FSIP1: variants seen among roughly 807,000 people sequenced by gnomAD.
FSIP1 encodes fibrous sheath-interacting protein 1.
In FSIP1, 65 loss-of-function variants were observed where a neutral mutation model predicts 60.9. The ratio of observed to expected loss-of-function variants is 1.07; its 90% CI spans 0.87 to 1.31. The LOEUF is 1.31. Ranked by LOEUF, FSIP1 falls within the 40% of genes most tolerant of loss-of-function variation. The pLI, the probability that FSIP1 is intolerant of heterozygous loss-of-function variation, is 0.00. For missense variants in FSIP1, 675 were observed against 665.5 expected (o/e 1.01, Z -0.16); for synonymous variants, 209 against 221.2 (o/e 0.94, Z 0.49).
At chr15:39,643,863 G>GT in intron 10 of FSIP1, among the ~76,000 whole-genome samples, 1 of 152,312 alleles carries the variant, frequency 6.6e-6, no homozygotes, top group Non-Finnish European at 1.5e-5. Context: ...TCAAAACTTA[G>GT]TATCAATCAC....
At chr15:39,733,898 G>C (rs969726010) in intron 8 of FSIP1, among the ~76,000 whole-genome samples, 2 of 152,052 alleles carry the variant, frequency 1.3e-5, no homozygotes, top group Non-Finnish European at 2.9e-5. Flanking sequence ...CTAGAAAAAA[G>C]TAAACTCTTT....
chr15:39,743,948 T>TATGACAATA (rs1350832826), intron 5 of FSIP1, among the ~76,000 whole-genome samples: 2 of 152,188 alleles, frequency 1.3e-5, no homozygotes, highest in Non-Finnish European at 2.9e-5. Context: ...GACTAAAAGG[T>TATGACAATA]ATGACAATAA....
intron 10 of FSIP1, among the ~76,000 whole-genome samples, chr15:39,651,758 A>G (rs1892880510): frequency 6.6e-6 from 1 of 152,242 alleles, no homozygotes. Flanking sequence ...TTGAAAGCCA[A>G]TTCTTTCTGC....
chr15:39,628,378 C>A (rs1199674500), intron 10 of FSIP1, among the ~76,000 whole-genome samples: 3 of 152,152 alleles, frequency 2.0e-5, no homozygotes, highest in African/African-American at 7.2e-5. Flanking sequence ...TGTTCAGTGC[C>A]AATGCATGTC....
intron 5 of FSIP1, among the ~76,000 whole-genome samples, chr15:39,755,996 A>AT (rs1897289274): frequency 6.6e-6 from 1 of 152,052 alleles, no homozygotes. Flanking sequence ...CTCTAAAAAA[A>AT]CCCAAAAGTG....
chr15:39,728,554 A>G (rs1430325677), intron 8 of FSIP1, among the ~76,000 whole-genome samples: 3 of 152,268 alleles, frequency 2.0e-5, no homozygotes, highest in African/African-American at 7.2e-5. Flanking sequence ...CTCCTGTTCA[A>G]TAAATGGTGC....
chr15:39,746,939 T>C (rs1897014860), intron 5 of FSIP1, among the ~76,000 whole-genome samples: 2 of 152,114 alleles, frequency 1.3e-5, no homozygotes. Context: ...TCACCTAACA[T>C]GTACATCACT....
intron 2 of FSIP1, among the ~76,000 whole-genome samples, chr15:39,772,243 G>A (rs547513552): frequency 2.6e-5 from 4 of 152,058 alleles, no homozygotes; most frequent in African/African-American, 9.7e-5. Context: ...TGGCCTATAT[G>A]CATGATTTTT....
intron 10 of FSIP1, among the ~76,000 whole-genome samples, chr15:39,674,041 C>A (rs72727019): frequency 0.023 from 3,492 of 151,638 alleles, 62 homozygotes; most frequent in Non-Finnish European, 0.033. Context: ...ACATCCTTAA[C>A]CCGACCCGAT....
chr15:39,772,891 C>A (rs907139440), intron 2 of FSIP1, among the ~76,000 whole-genome samples: 1 of 151,978 alleles, frequency 6.6e-6, no homozygotes, highest in African/African-American at 2.4e-5. Flanking sequence ...GTGCCCAGCC[C>A]CACCTCCATT....
intron 10 of FSIP1, among the ~76,000 whole-genome samples, chr15:39,625,976 G>T (rs544748815): frequency 6.6e-6 from 1 of 152,282 alleles, no homozygotes; most frequent in East Asian, 1.9e-4. Context: ...TGTACTCTCA[G>T]TTTGATGATG....
intron 8 of FSIP1, 83 bp from the exon 9 acceptor site, chr15:39,726,830 C>A: frequency 1.1e-6 from 1 of 906,474 alleles, no homozygotes; most frequent in Non-Finnish European, 1.7e-6. Context: ...TAACAGTGCC[C>A]AGGTCTTCAC....
chr15:39,599,309 G>T (rs990201548), downstream of FSIP1: 1 of 152,108 alleles, frequency 6.6e-6, no homozygotes, highest in Non-Finnish European at 1.5e-5. Flanking sequence ...GCTGTGAATG[G>T]TCCCACCTCT....
At chr15:39,686,409 T>C (rs1894375769) in intron 10 of FSIP1, among the ~76,000 whole-genome samples, 1 of 152,272 alleles carries the variant, frequency 6.6e-6, no homozygotes, top group Non-Finnish European at 1.5e-5. Context: ...AAGGCTTTGG[T>C]GTATAATCAC....
chr15:39,717,737 AC>A (rs1024018790), intron 9 of FSIP1, among the ~76,000 whole-genome samples: 4 of 152,204 alleles, frequency 2.6e-5, no homozygotes, highest in Non-Finnish European at 5.9e-5. Flanking sequence ...GAGTCCAAGG[AC>A]CCAGCAAGAA....
intron 3 of FSIP1, among the ~76,000 whole-genome samples, chr15:39,767,336 G>C (rs945728494): frequency 1.3e-5 from 2 of 152,176 alleles, no homozygotes; most frequent in African/African-American, 4.8e-5. Context: ...TATATAGCGG[G>C]CATTTTGAAG....
At chr15:39,693,261 A>G (rs903508945) in intron 10 of FSIP1, among the ~76,000 whole-genome samples, 16 of 152,306 alleles carry the variant, frequency 1.1e-4, no homozygotes, top group South Asian at 4.1e-4. Flanking sequence ...GTGACTTCCA[A>G]TGCTCTCACT....
intron 10 of FSIP1, among the ~76,000 whole-genome samples, chr15:39,644,527 G>A (rs1344766837): frequency 1.3e-5 from 2 of 152,130 alleles, no homozygotes; most frequent in African/African-American, 2.4e-5. Flanking sequence ...GAGACACGAG[G>A]GGAGAGACCT....
At chr15:39,646,758 G>A (rs1298378038) in intron 10 of FSIP1, among the ~76,000 whole-genome samples, 3 of 150,514 alleles carry the variant, frequency 2.0e-5, no homozygotes, top group Non-Finnish European at 3.0e-5. Flanking sequence ...ACTTCATAAA[G>A]GTATCCACAT....
Sources: gnomAD v4.1 joint callset for allele counts (sites outside exome capture counted in the v4.1 genomes callset) on GRCh38, gnomAD v4.1.1 for gene constraint, MANE v1.5 for transcripts, NCBI Gene and HGNC (gene_info 2026-07-23, HGNC 2026-07-21) for gene names.